Variants in TAF12 observed in about 807,000 individuals in gnomAD.
TAF12 encodes the protein TATA-box binding protein associated factor 12.
In TAF12, 3 loss-of-function variants were observed where a neutral mutation model predicts 20.8. The observed-to-expected ratio is 0.14, with a 90% CI of 0.07 to 0.37. The LOEUF (loss-of-function observed/expected upper bound fraction) is 0.37, where lower values mean the gene tolerates loss of function less well. Among genes scored for constraint, TAF12 ranks in the 10% least tolerant of loss-of-function variants. The pLI, the probability that TAF12 is intolerant of heterozygous loss-of-function variation, is 1.00. For missense variants in TAF12, 131 were observed against 197.9 expected, an observed-to-expected ratio of 0.66 and a Z score of 2.03; for synonymous variants, 69 against 70.2, an observed-to-expected ratio of 0.98 and a Z score of 0.09.
At chr1:28,615,581 A>T (rs1240832717) in intron 3 of TAF12, among the ~76,000 whole-genome samples, 2 of 143,334 alleles carry the variant, frequency 1.4e-5, no homozygotes, top group Non-Finnish European at 3.0e-5. Flanking sequence ...CAGGAGGCTG[A>T]TGCAGGAGAA....
upstream of TAF12, among the ~76,000 whole-genome samples, chr1:28,647,701 C>CGTCTCTA (rs1332579102): frequency 6.6e-6 from 1 of 152,030 alleles, no homozygotes; most frequent in Non-Finnish European, 1.5e-5. Context: ...GTGAAACCCC[C>CGTCTCTA]GTCTCTACTA....
chr1:28,626,993 T>C (rs931349112), intron 1 of TAF12, among the ~76,000 whole-genome samples: 14 of 152,152 alleles, frequency 9.2e-5, no homozygotes, highest in African/African-American at 3.4e-4. Context: ...TATTCACATA[T>C]CAAATTAGGA....
chr1:28,646,730 A>C (rs1191068948), upstream of TAF12, among the ~76,000 whole-genome samples: 12 of 111,674 alleles, frequency 1.1e-4, no homozygotes, highest in Admixed American at 1.1e-4. Context: ...ACAGAGTCTC[A>C]CTCTGTCGCC....
chr1:28,643,067 T>C lies in TAF12; in HGVS notation c.-160A>G, dbSNP rs1418268032. ...CGTTCGTCTCAGCAGCCGGTCCGAC[T>C]GCGCGGCCCTCCCCGACTACTTCCG... On this transcript the variant is annotated 5_prime_UTR_variant, in exon 1 of 6. Transcript: ENST00000373824. 57 of 985,800 alleles carry C rather than the reference T, an allele frequency of 5.8e-5. No homozygotes were observed. The highest frequency in any genetic ancestry group is 6.7e-5 in the Non-Finnish European group (56 of 829,962). The allele number at this position is 985,800 out of a possible 1,614,324, so 61.1% of individuals were successfully genotyped here. A position where few individuals can be genotyped will look rare whatever the true frequency, so the allele number is the denominator to read the frequency against.
At chr1:28,639,346 G>A (rs1158420762) in intron 1 of TAF12, among the ~76,000 whole-genome samples, 1 of 148,544 alleles carries the variant, frequency 6.7e-6, no homozygotes, top group Non-Finnish European at 1.5e-5. Context: ...AACCCGGGAG[G>A]TGAAAGTTGG....
At chr1:28,640,729 A>G (rs978355504) in intron 1 of TAF12, among the ~76,000 whole-genome samples, 1 of 152,170 alleles carries the variant, frequency 6.6e-6, no homozygotes, top group Non-Finnish European at 1.5e-5. Flanking sequence ...TACAGGACAC[A>G]CTTATTTATG....
chr1:28,630,144 C>T (rs1007698982), intron 1 of TAF12, among the ~76,000 whole-genome samples: 1 of 152,086 alleles, frequency 6.6e-6, no homozygotes, highest in Non-Finnish European at 1.5e-5. Context: ...GAAAGTCTCA[C>T]CATGTTGCCC....
intron 1 of TAF12, among the ~76,000 whole-genome samples, chr1:28,625,285 T>C (rs1054212705): frequency 2.6e-5 from 4 of 152,156 alleles, no homozygotes; most frequent in Non-Finnish European, 4.4e-5. Flanking sequence ...GCACCTATAA[T>C]CCCAGCTACT....
intron 1 of TAF12, among the ~76,000 whole-genome samples, chr1:28,638,563 G>A (rs1667922907): frequency 6.7e-6 from 1 of 148,514 alleles, no homozygotes; most frequent in Non-Finnish European, 1.5e-5. Context: ...TCGGCTCACT[G>A]CAGCCTCTGC....
At chr1:28,616,395 C>CA (rs534264411) in intron 3 of TAF12, among the ~76,000 whole-genome samples, 1,764 of 72,988 alleles carry the variant, frequency 0.024, 39 homozygotes, top group East Asian at 0.12. Flanking sequence ...GATTCTGTCT[C>CA]AAAAAAAAAA....
upstream of TAF12, among the ~76,000 whole-genome samples, chr1:28,644,431 A>G (rs905203459): frequency 2.0e-5 from 3 of 152,220 alleles, no homozygotes; most frequent in African/African-American, 4.8e-5. Flanking sequence ...GGTCCGGCAT[A>G]CCACTTTTTG....
In TAF12 at chr1:28,610,055, C is replaced by T. The variant is rs184751115; in HGVS notation, c.361+3192G>A. On this transcript the variant is annotated intron_variant, in intron 4 of 5. Coordinates refer to ENST00000373824, the MANE Select transcript of TAF12 (RefSeq NM_005644.4). ...GCAGTGGCAAGATCTTGGCTCACTGCGACCTCCACCCCACCAGGTTCAAGT... is the reference window on the plus strand; with the variant it reads ...GCAGTGGCAAGATCTTGGCTCACTGTGACCTCCACCCCACCAGGTTCAAGT... Among the ~76,000 whole-genome samples the T allele has an allele frequency of 2.6e-5, 4 of 151,860 alleles. No individual in the cohort carries two copies. The East Asian group carries it at 7.7e-4, about 29-fold the overall frequency.
intron 1 of TAF12, among the ~76,000 whole-genome samples, chr1:28,625,593 C>T (rs1180722702): frequency 6.8e-6 from 1 of 148,022 alleles, no homozygotes; most frequent in African/African-American, 2.5e-5. Context: ...CCAGGTCGGA[C>T]TGCAGTGGCA....
chr1:28,642,284 A>C (rs758564641), intron 1 of TAF12, among the ~76,000 whole-genome samples: 3 of 152,150 alleles, frequency 2.0e-5, no homozygotes, highest in Non-Finnish European at 4.4e-5. Context: ...TACGTCCTTT[A>C]TCTCTCTGGG....
chr1:28,626,433 T>C (rs1667396592), intron 1 of TAF12, among the ~76,000 whole-genome samples: 1 of 150,962 alleles, frequency 6.6e-6, no homozygotes, highest in Middle Eastern at 3.5e-3. Context: ...TACAAAAAAT[T>C]AGCCAGACTT....
At chr1:28,626,719 G>GC (rs770256653) in intron 1 of TAF12, among the ~76,000 whole-genome samples, 6 of 151,860 alleles carry the variant, frequency 4.0e-5, no homozygotes, top group Non-Finnish European at 8.8e-5. Context: ...GACCGGCCTG[G>GC]CCACCATGGT....
At position 28,639,698 on chromosome 1, in the gene TAF12, T is replaced by C. The variant is rs4252969; in HGVS notation, c.-85+3294A>G. On this transcript the variant is annotated intron_variant, in intron 1 of 5. Transcript: ENST00000373824. ...AGTTGGTATAAGTTAGTTTTGATCATTTATATATAATAGGCGCTTGCAAAT... is the reference window on the plus strand; with the variant it reads ...AGTTGGTATAAGTTAGTTTTGATCACTTATATATAATAGGCGCTTGCAAAT... 8.4e-3 allele frequency among the ~76,000 whole-genome samples: 1,274 copies of C among 152,252 alleles called. 14 individuals are homozygous for C. The highest frequency in any genetic ancestry group is 0.029 in the African/African-American group (1,202 of 41,534).
chr1:28,627,679 A>AC (rs961362157), intron 1 of TAF12, among the ~76,000 whole-genome samples: 7 of 151,204 alleles, frequency 4.6e-5, no homozygotes, highest in Non-Finnish European at 4.4e-5. Context: ...AAAAAAAAAA[A>AC]AAAAAAAACT....
intron 1 of TAF12, among the ~76,000 whole-genome samples, chr1:28,635,293 T>C (rs1168406773): frequency 8.1e-6 from 1 of 123,050 alleles, no homozygotes; most frequent in Non-Finnish European, 1.7e-5. Context: ...TTTTTTTTTT[T>C]TTTTTTTTGA....
Sources: allele counts gnomAD v4.1 joint callset (sites outside exome capture counted in the v4.1 genomes callset), GRCh38; gene constraint gnomAD v4.1.1; transcripts MANE v1.5; gene names NCBI Gene and HGNC (gene_info 2026-07-23, HGNC 2026-07-21).